KAZN: variants seen among roughly 807,000 people sequenced by gnomAD.
KAZN encodes kazrin.
A neutral mutation model predicts 87.4 loss-of-function variants in KAZN; 40 were observed. The ratio of observed to expected loss-of-function variants is 0.46; its 90% confidence interval spans 0.36 to 0.60. KAZN has a LOEUF of 0.60. KAZN is among the 20% of genes least tolerant of loss of function. KAZN has a pLI of 0.00. For synonymous variants in KAZN, 466 were observed against 458.3 expected (o/e 1.02, Z -0.22); for missense variants, 898 against 1,073.9 (o/e 0.84, Z 2.29).
chr1:14,970,812 C>T (rs1664947279), intron 2 of KAZN, among the ~76,000 whole-genome samples: 1 of 152,230 alleles, frequency 6.6e-6, no homozygotes, highest in Non-Finnish European at 1.5e-5. Context: ...AGCACTCACC[C>T]ACGCCCATCT....
In KAZN at chr1:14,735,139, G is replaced by C. The variant is rs141626012; in HGVS notation, c.226+135916G>C. Among the ~76,000 whole-genome samples the C allele has an allele frequency of 4.6e-5, 7 of 152,016 alleles. No homozygotes were observed. Among genetic ancestry groups the C allele is most frequent in the Non-Finnish European group, 8.8e-5 (6 of 67,990 alleles). ...TAGTGGCGCTATCTCGGCTCACTGC[G>C]AGCTCCGCCTCCCGGGTTCACTCCA... On this transcript the variant is annotated intron_variant, in intron 1 of 14. Transcript: ENST00000376030. This position sits in a 1 kb window ranked among gnomAD's most constrained non-coding sequence, Gnocchi z 4.3.
At chr1:14,099,881 A>G (rs144618539) in intron 1 of KAZN, among the ~76,000 whole-genome samples, 138 of 152,314 alleles carry the variant, frequency 9.1e-4, no homozygotes, top group Middle Eastern at 6.8e-3. Flanking sequence ...GGACAGTGCA[A>G]GCGATGAGCA....
At chr1:14,308,963 G>A (rs1655109958) in intron 2 of KAZN, among the ~76,000 whole-genome samples, 2 of 152,238 alleles carry the variant, frequency 1.3e-5, no homozygotes, top group South Asian at 4.1e-4. Flanking sequence ...GGGCACGAAT[G>A]TGTTTAACAA....
chr1:14,056,698 A>G (rs1230631999), intron 1 of KAZN, among the ~76,000 whole-genome samples: 1 of 152,216 alleles, frequency 6.6e-6, no homozygotes, highest in Non-Finnish European at 1.5e-5. Flanking sequence ...ATCACACAGC[A>G]GGTGAGACAG....
At chr1:15,097,022 G>A (rs1196308442) in intron 10 of KAZN, among the ~76,000 whole-genome samples, 1 of 152,162 alleles carries the variant, frequency 6.6e-6, no homozygotes, top group Non-Finnish European at 1.5e-5. Context: ...AGGAGGCAGA[G>A]GACTTATTTT....
intron 1 of KAZN, among the ~76,000 whole-genome samples, chr1:14,704,338 GTCA>G (rs1275113989): frequency 6.6e-6 from 1 of 152,238 alleles, no homozygotes; most frequent in Non-Finnish European, 1.5e-5. Flanking sequence ...ATACCATGAG[GTCA>G]AATATAACAT....
At chr1:13,925,592 G>A (rs1386894642) in intron 1 of KAZN, among the ~76,000 whole-genome samples, 1 of 152,160 alleles carries the variant, frequency 6.6e-6, no homozygotes. Flanking sequence ...AGGAAGTGAG[G>A]CCCGAGAGGC....
intron 2 of KAZN, among the ~76,000 whole-genome samples, chr1:14,522,326 T>A (rs1671631676): frequency 6.6e-6 from 1 of 152,200 alleles, no homozygotes; most frequent in Non-Finnish European, 1.5e-5. Flanking sequence ...GACCTACATG[T>A]GATTTGTCTT....
At chr1:14,124,840 G>A (rs913078236) in intron 1 of KAZN, among the ~76,000 whole-genome samples, 2 of 152,186 alleles carry the variant, frequency 1.3e-5, no homozygotes, top group African/African-American at 2.4e-5. Flanking sequence ...GGTTTGGAAA[G>A]AGACAAAATC....
intron 1 of KAZN, among the ~76,000 whole-genome samples, chr1:13,982,994 C>G (rs1255408070): frequency 6.6e-6 from 1 of 151,154 alleles, no homozygotes; most frequent in African/African-American, 2.4e-5. Context: ...GGTGGGTTTA[C>G]AAACCTTGAG....
intron 4 of KAZN, 139 bp from the exon 5 acceptor site, chr1:15,055,952 T>C (rs1470347709): frequency 8.8e-6 from 7 of 796,402 alleles, no homozygotes; most frequent in Non-Finnish European, 1.2e-5. Context: ...GACTTACCAA[T>C]TGACGCTCGA....
chr1:14,666,956 G>A (rs898766858), intron 1 of KAZN, among the ~76,000 whole-genome samples: 1 of 152,100 alleles, frequency 6.6e-6, no homozygotes, highest in African/African-American at 2.4e-5. Flanking sequence ...GGATGCTCTC[G>A]ATCTCTTGAC....
At chr1:14,385,270 GATTC>G (rs1330750296) in intron 2 of KAZN, among the ~76,000 whole-genome samples, 6 of 152,102 alleles carry the variant, frequency 3.9e-5, no homozygotes, top group Admixed American at 1.3e-4. Flanking sequence ...CCAGCTCCTG[GATTC>G]ATTAATTTTT....
intron 2 of KAZN, among the ~76,000 whole-genome samples, chr1:14,335,288 C>CA (rs1309945530): frequency 1.1e-4 from 17 of 151,558 alleles, no homozygotes; most frequent in Admixed American, 1.1e-3. Flanking sequence ...CTGCAACCTC[C>CA]ACCTCCTGAG....
rs142149619 is a variant in KAZN at position 14,449,689 on chromosome 1, T to C, written c.250-149294T>C. 1.1e-4 allele frequency among the ~76,000 whole-genome samples: 17 copies of C among 152,336 alleles called. No homozygotes were observed. In the East Asian group the frequency reaches 3.1e-3, roughly 28 times the overall value. ...TATGGAGATTGTTTCAATAATTTCATGTAGGATGAGGGCTGACTTTGAATT... is the reference window on the plus strand; with the variant it reads ...TATGGAGATTGTTTCAATAATTTCACGTAGGATGAGGGCTGACTTTGAATT... On this transcript the variant is annotated intron_variant, in intron 2 of 16. Coordinates refer to the KAZN transcript ENST00000636203.
At chr1:14,148,806 G>A (rs747466568) in intron 1 of KAZN, among the ~76,000 whole-genome samples, 12 of 152,118 alleles carry the variant, frequency 7.9e-5, no homozygotes, top group Non-Finnish European at 1.5e-4. Context: ...AAAATGCCAG[G>A]ATTTCTACAT....
At chr1:14,188,928 T>G (rs1406276793) in intron 2 of KAZN, among the ~76,000 whole-genome samples, 2 of 152,178 alleles carry the variant, frequency 1.3e-5, no homozygotes, top group East Asian at 3.8e-4. Flanking sequence ...GTATGCCATA[T>G]AATTATAATC....
intron 1 of KAZN, among the ~76,000 whole-genome samples, chr1:13,982,680 G>A (rs1002984877): frequency 6.6e-6 from 1 of 152,148 alleles, no homozygotes; most frequent in East Asian, 1.9e-4. Context: ...CCCTGAGCTA[G>A]ACACAAAGGT....
intron 1 of KAZN, among the ~76,000 whole-genome samples, chr1:14,118,329 A>G (rs1456949230): frequency 6.6e-6 from 1 of 152,222 alleles, no homozygotes; most frequent in Non-Finnish European, 1.5e-5. Context: ...AAATAGATCA[A>G]ACCCTACCAT....
Sources: allele counts gnomAD v4.1 joint callset (sites outside exome capture counted in the v4.1 genomes callset), GRCh38; gene constraint gnomAD v4.1.1; non-coding constraint Gnocchi (gnomAD v3.1); transcripts MANE v1.5; gene names NCBI Gene and HGNC (gene_info 2026-07-23, HGNC 2026-07-21).